Variants in TBC1D5 observed in about 807,000 individuals in gnomAD.
TBC1D5 encodes the protein TBC1 domain family member 5.
Under a neutral mutation model 100.3 loss-of-function variants are expected in TBC1D5, and 75 were observed. That is an observed-to-expected ratio of 0.75 (90% CI 0.62 to 0.91). The LOEUF (loss-of-function observed/expected upper bound fraction) is 0.91, where lower values mean the gene tolerates loss of function less well. TBC1D5 is among the 40% of genes least tolerant of loss of function. TBC1D5 has a pLI of 0.00. For missense variants in TBC1D5, 910 were observed against 942.4 expected (o/e 0.97, Z 0.45); for synonymous variants, 323 against 325.6 (o/e 0.99, Z 0.09).
intron 9 of TBC1D5, among the ~76,000 whole-genome samples, chr3:17,377,588 A>C (rs946841626): frequency 6.6e-6 from 1 of 152,048 alleles, no homozygotes; most frequent in East Asian, 1.9e-4. Context: ...TAGAGGAAAT[A>C]AAAATAAAAT....
At chr3:17,303,943 C>T (rs1166452049) in intron 14 of TBC1D5, among the ~76,000 whole-genome samples, 1 of 144,858 alleles carries the variant, frequency 6.9e-6, no homozygotes, top group Non-Finnish European at 1.5e-5. Context: ...TCTTAATTAG[C>T]TATCTTTATC....
At chr3:17,448,240 C>T (rs957274913) in intron 3 of TBC1D5, among the ~76,000 whole-genome samples, 3 of 152,166 alleles carry the variant, frequency 2.0e-5, no homozygotes, top group Non-Finnish European at 4.4e-5. Context: ...TTGCTATTTC[C>T]TGTCCATCGG....
At position 17,416,981 on chromosome 3, in the gene TBC1D5, T is replaced by C. The variant is rs9849980; in HGVS notation, c.168-10455A>G. Among the ~76,000 whole-genome samples, 169 of 152,240 alleles carry C rather than the reference T, an allele frequency of 1.1e-3. 1 individual carries two copies. Among genetic ancestry groups the C allele is most frequent in the African/African-American group, 3.9e-3 (160 of 41,546 alleles). On this transcript the variant is annotated intron_variant, in intron 4 of 21. Transcript: ENST00000253692. ...GATAAATGGGCCATGGGATAAACTT[T>C]TGTTTAAAGTCAATTAAGTATTTTA...
At chr3:17,725,752 TTG>T (rs1276056689) in intron 1 of TBC1D5, among the ~76,000 whole-genome samples, 1 of 152,210 alleles carries the variant, frequency 6.6e-6, no homozygotes, top group Non-Finnish European at 1.5e-5. Context: ...ATGTGCATGT[TTG>T]TCATATACGT....
At chr3:17,426,951 T>A (rs1482150085) in intron 4 of TBC1D5, among the ~76,000 whole-genome samples, 1 of 152,022 alleles carries the variant, frequency 6.6e-6, no homozygotes, top group African/African-American at 2.4e-5. Flanking sequence ...TTTCATATAT[T>A]ACCATATTAA....
At chr3:17,368,706 T>G (rs1401805504) in intron 13 of TBC1D5, among the ~76,000 whole-genome samples, 1 of 151,818 alleles carries the variant, frequency 6.6e-6, no homozygotes, top group Admixed American at 6.6e-5. Flanking sequence ...AAATTTTTCA[T>G]TTTTACTATA....
chr3:17,263,937 G>A (rs1291276531), intron 15 of TBC1D5, among the ~76,000 whole-genome samples: 1 of 152,042 alleles, frequency 6.6e-6, no homozygotes, highest in African/African-American at 2.4e-5. Flanking sequence ...CACTTCTGAG[G>A]TATATATTAT....
chr3:17,664,821 T>C (rs1334707409), intron 1 of TBC1D5: 1 of 151,762 alleles, frequency 6.6e-6, no homozygotes, highest in African/African-American at 2.4e-5. Flanking sequence ...AAAAAGGAAT[T>C]TATTGGCTAG....
chr3:17,355,876 T>G (rs1021100898), intron 13 of TBC1D5, among the ~76,000 whole-genome samples: 1 of 152,176 alleles, frequency 6.6e-6, no homozygotes, highest in South Asian at 2.1e-4. Context: ...TTTGATTTTA[T>G]AGCTATAAAA....
intron 16 of TBC1D5, among the ~76,000 whole-genome samples, chr3:17,258,177 A>G (rs2077906750): frequency 6.6e-6 from 1 of 152,108 alleles, no homozygotes; most frequent in Non-Finnish European, 1.5e-5. Flanking sequence ...TATATTATAA[A>G]ACTGTCTCTT....
intron 19 of TBC1D5, among the ~76,000 whole-genome samples, chr3:17,172,909 C>T (rs181043928): frequency 3.5e-4 from 53 of 152,260 alleles, no homozygotes; most frequent in African/African-American, 1.3e-3. Context: ...AAAAGCAGAA[C>T]ATCTGGCTTT....
chr3:17,719,575 C>A (rs1392775273), intron 1 of TBC1D5, among the ~76,000 whole-genome samples: 1 of 152,100 alleles, frequency 6.6e-6, no homozygotes, highest in Non-Finnish European at 1.5e-5. Flanking sequence ...TGAAGAGATA[C>A]ATGAATAAAC....
chr3:17,490,120 A>G (rs1426614630), intron 3 of TBC1D5, among the ~76,000 whole-genome samples: 3 of 151,970 alleles, frequency 2.0e-5, no homozygotes, highest in Non-Finnish European at 2.9e-5. Context: ...TTTTTAGTAT[A>G]TCTTTTTGGC....
chr3:17,373,448 C>T (rs1186535221), intron 12 of TBC1D5, among the ~76,000 whole-genome samples: 1 of 152,022 alleles, frequency 6.6e-6, no homozygotes, highest in African/African-American at 2.4e-5. Flanking sequence ...ATGAGACAAC[C>T]ATAATGATCA....
At chr3:17,476,660 C>A (rs1372125424) in intron 3 of TBC1D5, among the ~76,000 whole-genome samples, 1 of 151,832 alleles carries the variant, frequency 6.6e-6, no homozygotes, top group Non-Finnish European at 1.5e-5. Flanking sequence ...CTGAAAAATA[C>A]ACTGAATCTA....
chr3:17,645,129 A>G (rs528121729), intron 1 of TBC1D5, among the ~76,000 whole-genome samples: 1 of 152,226 alleles, frequency 6.6e-6, no homozygotes, highest in African/African-American at 2.4e-5. Flanking sequence ...AATATAGAAT[A>G]CTGCTAGCCT....
chr3:17,616,020 C>G (rs1001453380), intron 2 of TBC1D5, among the ~76,000 whole-genome samples: 1 of 152,162 alleles, frequency 6.6e-6, no homozygotes, highest in Non-Finnish European at 1.5e-5. Context: ...CTCTTGTGGG[C>G]ATTTAGAGCT....
intron 3 of TBC1D5, among the ~76,000 whole-genome samples, chr3:17,504,914 C>T (rs911989419): frequency 1.3e-5 from 2 of 152,110 alleles, no homozygotes; most frequent in Non-Finnish European, 2.9e-5. Context: ...TTTTAAATTA[C>T]CAATTTCTTC....
At chr3:17,572,442 C>G (rs1257586682) in intron 2 of TBC1D5, among the ~76,000 whole-genome samples, 1 of 151,934 alleles carries the variant, frequency 6.6e-6, no homozygotes, top group Non-Finnish European at 1.5e-5. Flanking sequence ...CAACCTCTCT[C>G]TCTCTCCCTT....
Sources: allele counts gnomAD v4.1 joint callset (sites outside exome capture counted in the v4.1 genomes callset), GRCh38; gene constraint gnomAD v4.1.1; transcripts MANE v1.5; gene names NCBI Gene and HGNC (gene_info 2026-07-23, HGNC 2026-07-21).